The following TBCA variants were observed in gnomAD, a reference collection of about 807,000 sequenced individuals.
TBCA encodes the protein tubulin folding cofactor A.
A neutral mutation model predicts 15.8 loss-of-function variants in TBCA; 6 were observed. The ratio of observed to expected loss-of-function variants is 0.38; its 90% CI spans 0.21 to 0.75. The LOEUF (loss-of-function observed/expected upper bound fraction) is 0.75. Among genes scored for constraint, TBCA ranks in the 30% least tolerant of loss-of-function variants. TBCA has a pLI of 0.46. For synonymous variants in TBCA, 32 were observed against 42.3 expected (o/e 0.76, Z 0.94); for missense variants, 90 against 131.2 (o/e 0.69, Z 1.53).
intron 1 of TBCA, among the ~76,000 whole-genome samples, chr5:77,763,243 CA>C (rs1196806584): frequency 6.6e-6 from 1 of 150,476 alleles, no homozygotes. Flanking sequence ...GACTCCGTCT[CA>C]AAAAAAATAA....
intron 1 of TBCA, among the ~76,000 whole-genome samples, chr5:77,753,917 C>G (rs1324377288): frequency 6.6e-6 from 1 of 152,092 alleles, no homozygotes; most frequent in Admixed American, 6.5e-5. Flanking sequence ...CACCACCACA[C>G]CCGACTAATT....
At chr5:77,723,469 G>C (rs1004676613) in intron 1 of TBCA, among the ~76,000 whole-genome samples, 21 of 151,854 alleles carry the variant, frequency 1.4e-4, no homozygotes, top group Admixed American at 2.6e-4. Flanking sequence ...CAGATCATGT[G>C]GGGGATGGGT....
intron 2 of TBCA, among the ~76,000 whole-genome samples, chr5:77,700,047 A>AG (rs1354862324): frequency 1.9e-4 from 29 of 149,970 alleles, no homozygotes; most frequent in South Asian, 8.4e-4. Context: ...AAAAAAAAAA[A>AG]AAAGAAAATT....
chr5:77,749,701 T>C (rs545467153), intron 1 of TBCA, among the ~76,000 whole-genome samples: 1 of 152,334 alleles, frequency 6.6e-6, no homozygotes, highest in African/African-American at 2.4e-5. Flanking sequence ...AGCCGGCAAT[T>C]GCACTTGTAG....
intron 1 of TBCA, among the ~76,000 whole-genome samples, chr5:77,739,183 G>A (rs780429244): frequency 1.3e-5 from 2 of 151,996 alleles, no homozygotes; most frequent in African/African-American, 2.4e-5. Flanking sequence ...AAACATGGCT[G>A]GGCACAGTGG....
In TBCA at chr5:77,720,130, C is replaced by T. The variant is rs149636800; in HGVS notation, c.54-11783G>A. 7.2e-5 allele frequency among the ~76,000 whole-genome samples: 11 copies of T among 152,206 alleles called. No individual in the cohort carries two copies. In the East Asian group the frequency reaches 2.1e-3, roughly 29 times the overall value. Reference sequence around the variant, plus strand: ...ATCTCTCTCTAAAATGATACCCTTCCCAACTTGAGCTGTCAACATAGTAAT... The same window carrying T: ...ATCTCTCTCTAAAATGATACCCTTCTCAACTTGAGCTGTCAACATAGTAAT... On this transcript the variant is annotated intron_variant, in intron 1 of 3. Transcript: ENST00000380377.
Position 77,776,306 on chromosome 5 carries a change from T to A in TBCA, c.-49A>T. On this transcript the variant is annotated 5_prime_UTR_variant, in exon 1 of 4. Transcript: ENST00000380377. ...GAGGGGCGGAGAGCCGGGGTAACCGTGGAGGGCGACGCGCAGAGGCTGCGG... is the reference window on the plus strand; with the variant it reads ...GAGGGGCGGAGAGCCGGGGTAACCGAGGAGGGCGACGCGCAGAGGCTGCGG... 6.4e-7 allele frequency: 1 copy of A among 1,554,160 alleles called. No homozygotes were observed. The highest frequency in any genetic ancestry group is 1.4e-5 in the African/African-American group (1 of 73,152).
intron 2 of TBCA, among the ~76,000 whole-genome samples, chr5:77,700,046 A>AG (rs1554043244): frequency 9.6e-5 from 14 of 146,184 alleles, no homozygotes; most frequent in East Asian, 3.9e-4. Context: ...AAAAAAAAAA[A>AG]AAAAGAAAAT....
In TBCA at chr5:77,691,578, A is replaced by G; in HGVS notation, c.247-80T>C. Reference sequence around the variant, plus strand: ...GTTATTTACTCAAATATTACAAACCATTAATGTTAATAACTAAAAAATTAA... The same window carrying G: ...GTTATTTACTCAAATATTACAAACCGTTAATGTTAATAACTAAAAAATTAA... On this transcript the variant is annotated intron_variant, in intron 3 of 3. Coordinates refer to ENST00000380377, the MANE Select transcript of TBCA (RefSeq NM_004607.3). 6.2e-6 allele frequency: 9 copies of G among 1,448,718 alleles called. No homozygotes were observed. In the South Asian group the frequency reaches 1.3e-4, roughly 21 times the overall value. 89.7% of individuals were successfully genotyped at this position (1,448,718 alleles called of 1,614,324 possible).
In TBCA at chr5:77,702,339, CA is replaced by C. The variant is rs575888963; in HGVS notation, c.159+5902del. 1.2e-3 allele frequency among the ~76,000 whole-genome samples: 190 copies of C among 152,190 alleles called. 1 individual carries two copies. Among genetic ancestry groups the C allele is most frequent in the Admixed American group, 4.6e-3 (71 of 15,292 alleles). The stretch of plus-strand genomic sequence containing the variant: ...ATCCAAACCATGGAATACTACTTAG[CA>C]GTAATAAAGAACAAACTATTGATAC... On this transcript the variant is annotated intron_variant, in intron 2 of 3. Coordinates refer to ENST00000380377, the MANE Select transcript of TBCA (RefSeq NM_004607.3).
At chr5:77,715,215 CTAT>C in intron 1 of TBCA, 2 of 700,512 alleles carry the variant, frequency 2.9e-6, no homozygotes. Context: ...AGTTGATCTA[CTAT>C]GTCACCTGAG....
intron 1 of TBCA, among the ~76,000 whole-genome samples, chr5:77,751,104 T>G (rs1018577451): frequency 1.3e-5 from 2 of 151,476 alleles, no homozygotes; most frequent in African/African-American, 4.8e-5. Context: ...AGGGGTATAA[T>G]GAAGCCTGTC....
chr5:77,719,779 G>A (rs543877644), intron 1 of TBCA, among the ~76,000 whole-genome samples: 2 of 152,056 alleles, frequency 1.3e-5, no homozygotes, highest in South Asian at 2.1e-4. Context: ...ATTATTTCAC[G>A]AATCCTCTAA....
rs1746190471 is a variant in TBCA, at chr5:77,708,154, T to C, written c.159+88A>G. 4.9e-6 allele frequency: 4 copies of C among 822,108 alleles called. No individual in the cohort carries two copies. The African/African-American group carries it at 6.9e-5, about 14-fold the overall frequency. The allele number at this position is 822,108 out of a possible 1,614,324, so 50.9% of individuals were successfully genotyped here. A position where few individuals can be genotyped will look rare whatever the true frequency, so the allele number is the denominator to read the frequency against. On this transcript the variant is annotated intron_variant, in intron 2 of 3. Transcript: ENST00000380377. Reference sequence around the variant, plus strand: ...AGTAAAGAAGTAAATAATAATATAATCTCAGTCAGAGGACTACTGTAAAAA... The same window carrying C: ...AGTAAAGAAGTAAATAATAATATAACCTCAGTCAGAGGACTACTGTAAAAA...
At chr5:77,747,703 CT>C (rs1747218668) in intron 1 of TBCA, among the ~76,000 whole-genome samples, 1 of 152,062 alleles carries the variant, frequency 6.6e-6, no homozygotes, top group Non-Finnish European at 1.5e-5. Flanking sequence ...TGCTATTGGT[CT>C]TTTAAAGTTT....
At chr5:77,746,101 A>C (rs1747179601) in intron 1 of TBCA, among the ~76,000 whole-genome samples, 1 of 152,086 alleles carries the variant, frequency 6.6e-6, no homozygotes, top group East Asian at 1.9e-4. Context: ...TTCGGCCTTT[A>C]GAGATATCTG....
chr5:77,766,209 C>A (rs944632072), intron 1 of TBCA, among the ~76,000 whole-genome samples: 5 of 152,008 alleles, frequency 3.3e-5, no homozygotes, highest in African/African-American at 9.7e-5. Context: ...AACACAGACC[C>A]CTCTATTAAA....
At chr5:77,767,397 T>C (rs1361686849) in intron 1 of TBCA, among the ~76,000 whole-genome samples, 1 of 152,216 alleles carries the variant, frequency 6.6e-6, no homozygotes, top group Non-Finnish European at 1.5e-5. Context: ...GATTTGGATA[T>C]AACTATAATC....
At chr5:77,762,387 T>C (rs914317640) in intron 1 of TBCA, among the ~76,000 whole-genome samples, 4 of 152,206 alleles carry the variant, frequency 2.6e-5, no homozygotes, top group African/African-American at 4.8e-5. Flanking sequence ...TTAAGGTCTA[T>C]TTATTTTCTT....
Sources: gnomAD v4.1 joint callset for allele counts (sites outside exome capture counted in the v4.1 genomes callset) on GRCh38, gnomAD v4.1.1 for gene constraint, MANE v1.5 for transcripts, NCBI Gene and HGNC (gene_info 2026-07-23, HGNC 2026-07-21) for gene names.